The following RNGTT variants were observed in gnomAD, a reference collection of about 807,000 sequenced individuals.
RNGTT encodes RNA guanylyltransferase and 5'-phosphatase.
In RNGTT, 33 loss-of-function variants were observed where a neutral mutation model predicts 79.3. The ratio of observed to expected loss-of-function variants is 0.42; its 90% CI spans 0.32 to 0.56. The LOEUF (loss-of-function observed/expected upper bound fraction) is 0.56. Among genes scored for constraint, RNGTT ranks in the 20% least tolerant of loss-of-function variants. The pLI, the probability that RNGTT is intolerant of heterozygous loss-of-function variation, is 0.17. For synonymous variants in RNGTT, 222 were observed against 235.9 expected (o/e 0.94, Z 0.54); for missense variants, 497 against 739.1 (o/e 0.67, Z 3.80).
intron 8 of RNGTT, among the ~76,000 whole-genome samples, chr6:88,884,868 C>T (rs972145015): frequency 6.6e-6 from 1 of 152,110 alleles, no homozygotes; most frequent in Non-Finnish European, 1.5e-5. Context: ...CTCACAGTGG[C>T]TTTGGATAGC....
At chr6:88,890,705 G>T in intron 7 of RNGTT, 109 bp from the exon 8 acceptor site, 1 of 596,748 alleles carries the variant, frequency 1.7e-6, no homozygotes, top group Non-Finnish European at 2.9e-6. Flanking sequence ...TTCTCCCTAT[G>T]ATGAGATTAA....
At chr6:88,898,634 C>A (rs1783333477) in intron 6 of RNGTT, among the ~76,000 whole-genome samples, 1 of 149,116 alleles carries the variant, frequency 6.7e-6, no homozygotes, top group Non-Finnish European at 1.5e-5. Context: ...TTAATTTTTA[C>A]AATATATAAT....
At chr6:88,846,245 C>A (rs1781477755) in intron 10 of RNGTT, among the ~76,000 whole-genome samples, 1 of 152,158 alleles carries the variant, frequency 6.6e-6, no homozygotes, top group Non-Finnish European at 1.5e-5. Context: ...GTTTTCAGTT[C>A]TTACTCCCTT....
chr6:88,680,663 A>T (rs1775059658), intron 13 of RNGTT, among the ~76,000 whole-genome samples: 1 of 150,720 alleles, frequency 6.6e-6, no homozygotes, highest in Non-Finnish European at 1.5e-5. Context: ...AATCGCTTGA[A>T]CTCAGGAGGC....
intron 13 of RNGTT, among the ~76,000 whole-genome samples, chr6:88,689,060 TG>T (rs963922272): frequency 1.3e-5 from 2 of 152,064 alleles, no homozygotes; most frequent in Non-Finnish European, 2.9e-5. Flanking sequence ...TAGTTAGGTT[TG>T]GGGGGGAGTC....
chr6:88,720,210 C>G (rs764734968), intron 13 of RNGTT, among the ~76,000 whole-genome samples: 7 of 152,096 alleles, frequency 4.6e-5, no homozygotes, highest in Non-Finnish European at 8.8e-5. Flanking sequence ...TTTTCCACTA[C>G]CTATTAAAGA....
chr6:88,720,851 G>T (rs929257667), intron 13 of RNGTT, among the ~76,000 whole-genome samples: 9 of 152,082 alleles, frequency 5.9e-5, no homozygotes, highest in African/African-American at 2.2e-4. Flanking sequence ...AAAGCTTCTG[G>T]AGTGGTAAAA....
chr6:88,774,940 T>C (rs975796910), intron 12 of RNGTT, among the ~76,000 whole-genome samples: 2 of 152,112 alleles, frequency 1.3e-5, no homozygotes, highest in African/African-American at 4.8e-5. Flanking sequence ...ATTATAAAAA[T>C]TATTTTAATA....
intron 14 of RNGTT, among the ~76,000 whole-genome samples, chr6:88,627,460 A>G (rs562445665): frequency 1.3e-5 from 2 of 152,216 alleles, no homozygotes; most frequent in African/African-American, 4.8e-5. Flanking sequence ...CTGGTTACAT[A>G]TAACTATCTC....
intron 11 of RNGTT, among the ~76,000 whole-genome samples, chr6:88,825,586 C>T (rs751858483): frequency 6.6e-6 from 1 of 152,164 alleles, no homozygotes; most frequent in East Asian, 1.9e-4. Flanking sequence ...GTTTGACATA[C>T]ATATATTTTT....
chr6:88,790,781 G>T (rs1779381419), intron 12 of RNGTT, among the ~76,000 whole-genome samples: 1 of 152,056 alleles, frequency 6.6e-6, no homozygotes, highest in South Asian at 2.1e-4. Flanking sequence ...TTCCCCAGAA[G>T]AAAAATTTTG....
At chr6:88,655,376 T>C (rs1773939281) in intron 14 of RNGTT, among the ~76,000 whole-genome samples, 2 of 152,228 alleles carry the variant, frequency 1.3e-5, no homozygotes, top group Non-Finnish European at 2.9e-5. Context: ...TGATAGATTT[T>C]CAATTTTGAC....
intron 13 of RNGTT, among the ~76,000 whole-genome samples, chr6:88,707,475 A>T (rs543212323): frequency 6.6e-6 from 1 of 152,226 alleles, no homozygotes; most frequent in South Asian, 2.1e-4. Flanking sequence ...TCTAGAAAAG[A>T]TGTGAACACT....
At chr6:88,728,716 T>G (rs1291782982) in intron 13 of RNGTT, among the ~76,000 whole-genome samples, 1 of 152,186 alleles carries the variant, frequency 6.6e-6, no homozygotes, top group Non-Finnish European at 1.5e-5. Context: ...AATGTGTTTC[T>G]TTAATCCCCC....
chr6:88,748,904 A>G (rs1236803928), intron 13 of RNGTT, among the ~76,000 whole-genome samples: 1 of 152,136 alleles, frequency 6.6e-6, no homozygotes, highest in Non-Finnish European at 1.5e-5. Flanking sequence ...GAGGCTCATC[A>G]TAGTAAATCT....
intron 14 of RNGTT, among the ~76,000 whole-genome samples, chr6:88,669,498 C>T (rs2325157): frequency 2.0e-5 from 3 of 152,194 alleles, no homozygotes; most frequent in Non-Finnish European, 2.9e-5. Context: ...TCACCATCCC[C>T]GTAGGAAGCT....
At position 88,850,512 on chromosome 6, in the gene RNGTT, T is replaced by C. The variant is rs542206041; in HGVS notation, c.1033-686A>G. ...TATGTTTTTGACCTAAAATTATTTT[T>C]CTTTCCTCATATTCTTACTAGGAAA... On this transcript the variant is annotated intron_variant, in intron 9 of 15. Transcript: ENST00000369485. Among the ~76,000 whole-genome samples, 4 of 152,024 alleles carry C rather than the reference T, an allele frequency of 2.6e-5. No homozygotes were observed. The South Asian group carries it at 8.3e-4, about 31-fold the overall frequency.
chr6:88,739,772 T>TATATATAG (rs1777420116), intron 13 of RNGTT, among the ~76,000 whole-genome samples: 1 of 121,452 alleles, frequency 8.2e-6, no homozygotes, highest in Non-Finnish European at 1.7e-5. Context: ...TATATATATA[T>TATATATAG]ATATATGTTA....
chr6:88,653,153 G>A (rs1289288080), intron 14 of RNGTT, among the ~76,000 whole-genome samples: 1 of 152,136 alleles, frequency 6.6e-6, no homozygotes, highest in Non-Finnish European at 1.5e-5. Flanking sequence ...GAAAACAACA[G>A]GATAAGAAGT....
Sources: gnomAD v4.1 joint callset for allele counts (sites outside exome capture counted in the v4.1 genomes callset) on GRCh38, gnomAD v4.1.1 for gene constraint, MANE v1.5 for transcripts, NCBI Gene and HGNC (gene_info 2026-07-23, HGNC 2026-07-21) for gene names.